UNC5D: variants seen among roughly 807,000 people sequenced by gnomAD.
UNC5D encodes unc-5 netrin receptor D, also known as netrin receptor UNC5D.
Under a neutral mutation model 105.4 loss-of-function variants are expected in UNC5D, and 39 were observed. The ratio of observed to expected loss-of-function variants is 0.37; its 90% confidence interval spans 0.29 to 0.48. The LOEUF (loss-of-function observed/expected upper bound fraction) is 0.48. UNC5D is among the 20% of genes least tolerant of loss of function. The pLI, the probability that UNC5D is intolerant of heterozygous loss-of-function variation, is 0.98. For missense variants in UNC5D, 991 were observed against 1,202.4 expected, an observed-to-expected ratio of 0.82 and a Z score of 2.60; for synonymous variants, 452 against 450.4, an observed-to-expected ratio of 1.00 and a Z score of -0.04.
intron 1 of UNC5D, among the ~76,000 whole-genome samples, chr8:35,352,432 AG>A (rs964634965): frequency 6.6e-6 from 1 of 152,118 alleles, no homozygotes; most frequent in African/African-American, 2.4e-5. Flanking sequence ...GTAAAGAAAA[AG>A]CTACCAACAT....
chr8:35,477,652 C>A, intron 1 of UNC5D, among the ~76,000 whole-genome samples: 1 of 152,018 alleles, frequency 6.6e-6, no homozygotes, highest in East Asian at 1.9e-4. Context: ...AAAATGTTTA[C>A]AAAAATCAAC....
Position 35,686,710 on chromosome 8 carries a change from G to GT in UNC5D, c.1084+2dup. The GT allele has an allele frequency of 6.3e-7, 1 of 1,582,044 alleles. No homozygotes were observed. Among genetic ancestry groups the GT allele is most frequent in the Non-Finnish European group, 8.6e-7 (1 of 1,166,118 alleles). On this transcript the variant is annotated splice_donor_variant, in intron 7 of 16. Coordinates refer to ENST00000404895, the MANE Select transcript of UNC5D (RefSeq NM_080872.4). LOFTEE classifies it high-confidence loss of function. ...TGCACAGATGGTCTTTGCATCCTAGGTAACACTTTTGCTTTAACATCTTCA... is the reference window on the plus strand; with the variant it reads ...TGCACAGATGGTCTTTGCATCCTAGGTTAACACTTTTGCTTTAACATCTTCA...
At chr8:35,679,000 C>G (rs775308056) in intron 4 of UNC5D, among the ~76,000 whole-genome samples, 3 of 152,050 alleles carry the variant, frequency 2.0e-5, no homozygotes, top group Admixed American at 6.6e-5. Flanking sequence ...TGCCAGTAAT[C>G]CCAGCACTTT....
chr8:35,688,024 C>G (rs1025798447), intron 7 of UNC5D, among the ~76,000 whole-genome samples: 1 of 151,868 alleles, frequency 6.6e-6, no homozygotes, highest in South Asian at 2.1e-4. Flanking sequence ...CCCAGCTACT[C>G]GGGAGGTTGA....
intron 1 of UNC5D, among the ~76,000 whole-genome samples, chr8:35,537,456 G>A (rs1247967210): frequency 6.6e-6 from 1 of 152,078 alleles, no homozygotes; most frequent in Non-Finnish European, 1.5e-5. Flanking sequence ...AAGGTGAGAG[G>A]ATCATTTGGC....
intron 1 of UNC5D, chr8:35,254,803 C>T (rs1036756165): frequency 6.6e-6 from 1 of 152,132 alleles, no homozygotes; most frequent in Admixed American, 6.5e-5. Context: ...TTGATTGTCA[C>T]CCCTTAAGTC....
intron 11 of UNC5D, among the ~76,000 whole-genome samples, chr8:35,746,512 G>A (rs1284735290): frequency 1.3e-5 from 2 of 152,116 alleles, no homozygotes; most frequent in East Asian, 3.9e-4. Flanking sequence ...TACTCTGCAC[G>A]TAAGGAAATG....
intron 1 of UNC5D, among the ~76,000 whole-genome samples, chr8:35,396,412 A>G (rs1283263721): frequency 5.3e-5 from 8 of 152,180 alleles, no homozygotes; most frequent in South Asian, 2.1e-4. Context: ...TCGTTCCCCC[A>G]GCAGCAAGCT....
rs756986140 is a variant in UNC5D, at chr8:35,686,579, C to G, written c.954C>G (p.Ser318=). Residue 318 remains serine, a synonymous_variant, in exon 7 of 17, where the codon TCC becomes TCG. Coordinates refer to ENST00000404895, the MANE Select transcript of UNC5D (RefSeq NM_080872.4). The part of the protein sequence containing the change: ...DGSWEVWSEW[S]VCSPECEHLR... ...GCTGGGAAGTGTGGAGCGAATGGTC[C>G]GTCTGCAGTCCAGAGTGTGAACATT... The G allele has an allele frequency of 6.3e-7, 1 of 1,594,300 alleles. No homozygotes were observed. The highest frequency in any genetic ancestry group is 8.5e-7 in the Non-Finnish European group (1 of 1,173,882).
intron 4 of UNC5D, among the ~76,000 whole-genome samples, chr8:35,663,662 T>C (rs994938264): frequency 7.9e-5 from 12 of 152,104 alleles, no homozygotes; most frequent in African/African-American, 2.7e-4. Context: ...CATGTGAATG[T>C]GGAAGAGAAA....
chr8:35,686,204 G>A (rs1826001509), intron 6 of UNC5D, among the ~76,000 whole-genome samples: 1 of 152,146 alleles, frequency 6.6e-6, no homozygotes. Context: ...ACTGCACACA[G>A]TTTATCTGTC....
At chr8:35,438,662 T>C (rs1337590524) in intron 1 of UNC5D, among the ~76,000 whole-genome samples, 2 of 151,986 alleles carry the variant, frequency 1.3e-5, no homozygotes, top group Non-Finnish European at 2.9e-5. Flanking sequence ...GAGATTTACA[T>C]TGATTCTGGC....
intron 7 of UNC5D, among the ~76,000 whole-genome samples, chr8:35,693,579 A>G (rs906635220): frequency 6.6e-6 from 1 of 152,040 alleles, no homozygotes; most frequent in Non-Finnish European, 1.5e-5. Context: ...ACCATCTTCT[A>G]TTTCCTCATG....
intron 1 of UNC5D, among the ~76,000 whole-genome samples, chr8:35,516,190 G>A (rs1283437210): frequency 6.6e-6 from 1 of 152,066 alleles, no homozygotes; most frequent in African/African-American, 2.4e-5. Context: ...TTATTTTCCA[G>A]TCTTGGACCA....
chr8:35,641,129 C>T (rs1298161278), intron 4 of UNC5D, among the ~76,000 whole-genome samples: 1 of 151,868 alleles, frequency 6.6e-6, no homozygotes, highest in African/African-American at 2.4e-5. Flanking sequence ...TAAGAAATTT[C>T]CCAAAGGCAC....
intron 10 of UNC5D, chr8:35,727,976 C>T (rs1828967918): frequency 6.7e-6 from 1 of 149,796 alleles, no homozygotes; most frequent in African/African-American, 2.5e-5. Context: ...GTGGCACACA[C>T]CTGTAGTCCC....
At chr8:35,755,146 T>C (rs1160447223) in intron 13 of UNC5D, among the ~76,000 whole-genome samples, 2 of 152,194 alleles carry the variant, frequency 1.3e-5, no homozygotes, top group Admixed American at 6.5e-5. Context: ...ATTTTGGTTA[T>C]TGTCTTTTAT....
At chr8:35,351,603 A>T (rs913420500) in intron 1 of UNC5D, among the ~76,000 whole-genome samples, 17 of 152,040 alleles carry the variant, frequency 1.1e-4, no homozygotes, top group African/African-American at 4.1e-4. Flanking sequence ...ATAAAGACTG[A>T]GGATTATTGT....
At chr8:35,760,676 T>C (rs189765407) in intron 14 of UNC5D, among the ~76,000 whole-genome samples, 2 of 152,312 alleles carry the variant, frequency 1.3e-5, no homozygotes, top group Admixed American at 1.3e-4. Context: ...GGACTCACAT[T>C]GACCTGGAAT....
Sources: allele counts gnomAD v4.1 joint callset (sites outside exome capture counted in the v4.1 genomes callset), GRCh38; gene constraint gnomAD v4.1.1; transcripts MANE v1.5; gene names NCBI Gene and HGNC (gene_info 2026-07-23, HGNC 2026-07-21).